Variants in TBC1D1 observed in about 807,000 individuals in gnomAD.
The protein encoded by TBC1D1 is TBC1 domain family member 1, also known as TBC1 (tre-2/USP6, BUB2, cdc16) domain family, member 1.
A neutral mutation model predicts 125.6 loss-of-function variants in TBC1D1; 89 were observed. The ratio of observed to expected loss-of-function variants is 0.71; its 90% confidence interval spans 0.60 to 0.85. The LOEUF is 0.85. Among genes scored for constraint, TBC1D1 ranks in the 40% least tolerant of loss-of-function variants. The pLI is 0.00. For missense variants in TBC1D1, 1,377 were observed against 1,469.2 expected, an observed-to-expected ratio of 0.94 and a Z score of 1.03; for synonymous variants, 565 against 564.1, an observed-to-expected ratio of 1.00 and a Z score of -0.02.
chr4:38,033,541 C>T (rs1007786376), intron 7 of TBC1D1, among the ~76,000 whole-genome samples: 1 of 152,088 alleles, frequency 6.6e-6, no homozygotes, highest in Non-Finnish European at 1.5e-5. Context: ...AATTGATGAG[C>T]CAATATTTGT....
intron 2 of TBC1D1, among the ~76,000 whole-genome samples, chr4:37,903,930 T>G (rs1716732252): frequency 6.6e-6 from 1 of 152,196 alleles, no homozygotes; most frequent in African/African-American, 2.4e-5. Context: ...ACTCACAGAA[T>G]CAAACTCTCA....
At chr4:37,899,733 G>A (rs1206656161) in intron 1 of TBC1D1, among the ~76,000 whole-genome samples, 1 of 152,198 alleles carries the variant, frequency 6.6e-6, no homozygotes, top group Non-Finnish European at 1.5e-5. Flanking sequence ...GTGAAATGAG[G>A]GGAGAGGATG....
intron 2 of TBC1D1, among the ~76,000 whole-genome samples, chr4:37,942,352 C>T (rs1560508225): frequency 1.3e-5 from 2 of 151,732 alleles, no homozygotes; most frequent in African/African-American, 4.8e-5. Context: ...CAACCCCTGC[C>T]TTTTTTTTGT....
At chr4:37,899,815 G>A (rs887690515) in intron 1 of TBC1D1, among the ~76,000 whole-genome samples, 1 of 152,228 alleles carries the variant, frequency 6.6e-6, no homozygotes, top group Non-Finnish European at 1.5e-5. Context: ...ATAAGAACCA[G>A]AAGAGATTCA....
chr4:37,903,876 C>T (rs1716715244), intron 2 of TBC1D1, among the ~76,000 whole-genome samples: 1 of 152,132 alleles, frequency 6.6e-6, no homozygotes, highest in Non-Finnish European at 1.5e-5. Context: ...GTAGAGAAGG[C>T]TTTGTGAAAT....
At chr4:37,917,510 C>G (rs1227516738) in intron 2 of TBC1D1, among the ~76,000 whole-genome samples, 1 of 152,106 alleles carries the variant, frequency 6.6e-6, no homozygotes, top group Non-Finnish European at 1.5e-5. Context: ...TGTGTAAACA[C>G]TATTTGTGAA....
At chr4:38,074,969 C>T (rs1467669178) in intron 12 of TBC1D1, among the ~76,000 whole-genome samples, 1 of 152,094 alleles carries the variant, frequency 6.6e-6, no homozygotes, top group East Asian at 1.9e-4. Context: ...CCATGTTGTC[C>T]AGACTAGTCT....
chr4:37,957,492 G>A lies in TBC1D1; in HGVS notation c.417+54980G>A, dbSNP rs553469504. Among the ~76,000 whole-genome samples, 6 of 152,284 alleles carry A rather than the reference G, an allele frequency of 3.9e-5. No individual in the cohort carries two copies. In the East Asian group the frequency reaches 9.6e-4, roughly 24 times the overall value. ...AGATTACCTGGGCATGGGGGTGCGTGCCTGTAGTCCTAGGTACTCAGGAGG... is the reference window on the plus strand; with the variant it reads ...AGATTACCTGGGCATGGGGGTGCGTACCTGTAGTCCTAGGTACTCAGGAGG... On this transcript the variant is annotated intron_variant, in intron 2 of 19. Coordinates refer to ENST00000261439, the MANE Select transcript of TBC1D1 (RefSeq NM_015173.4).
intron 2 of TBC1D1, among the ~76,000 whole-genome samples, chr4:37,911,138 T>C (rs1560467109): frequency 6.8e-6 from 1 of 146,888 alleles, no homozygotes; most frequent in African/African-American, 2.5e-5. Flanking sequence ...CTCCTTTTTT[T>C]TTTTTTTTTT....
chr4:37,933,912 C>T (rs567485944), intron 2 of TBC1D1, among the ~76,000 whole-genome samples: 1 of 152,260 alleles, frequency 6.6e-6, no homozygotes, highest in South Asian at 2.1e-4. Context: ...AGTCTCATTC[C>T]TAATCGATTG....
At chr4:37,944,929 C>T (rs556120250) in intron 2 of TBC1D1, among the ~76,000 whole-genome samples, 6 of 152,302 alleles carry the variant, frequency 3.9e-5, no homozygotes, top group South Asian at 4.1e-4. Context: ...GTGTCGTTCA[C>T]GCCGGGAGCT....
chr4:37,999,140 T>C (rs1738470176), intron 2 of TBC1D1, among the ~76,000 whole-genome samples: 1 of 152,028 alleles, frequency 6.6e-6, no homozygotes, highest in South Asian at 2.1e-4. Context: ...TCCCAGCTAC[T>C]CTGGAGGCTG....
At chr4:38,028,740 G>T (rs929804266) in intron 7 of TBC1D1, among the ~76,000 whole-genome samples, 1 of 152,164 alleles carries the variant, frequency 6.6e-6, no homozygotes, top group Non-Finnish European at 1.5e-5. Flanking sequence ...CCTCTGGTCC[G>T]CATGTACTCA....
chr4:38,077,995 T>G (rs1578579903), intron 12 of TBC1D1, among the ~76,000 whole-genome samples: 1 of 152,152 alleles, frequency 6.6e-6, no homozygotes, highest in East Asian at 1.9e-4. Flanking sequence ...GACCAGACGC[T>G]AGAGTCCACT....
At chr4:38,093,101 T>C (rs73241091) in intron 13 of TBC1D1, among the ~76,000 whole-genome samples, 26,728 of 152,152 alleles carry the variant, frequency 0.18, 2,656 homozygotes, top group East Asian at 0.45. Flanking sequence ...GAGGACCTGC[T>C]GTACTATGTA....
At chr4:38,015,207 T>C (rs1394176535) in intron 3 of TBC1D1, among the ~76,000 whole-genome samples, 6 of 152,164 alleles carry the variant, frequency 3.9e-5, no homozygotes, top group Non-Finnish European at 7.4e-5. Context: ...CCGGTAATTA[T>C]AAAGACACCT....
intron 6 of TBC1D1, among the ~76,000 whole-genome samples, chr4:38,026,282 C>T (rs1745070693): frequency 6.6e-6 from 1 of 152,230 alleles, no homozygotes; most frequent in Non-Finnish European, 1.5e-5. Context: ...GGAGCAGCCA[C>T]CTCTGCCACA....
At chr4:37,921,132 A>G (rs1720893887) in intron 2 of TBC1D1, among the ~76,000 whole-genome samples, 1 of 148,192 alleles carries the variant, frequency 6.7e-6, no homozygotes, top group African/African-American at 2.5e-5. Flanking sequence ...AAAAAAAAAA[A>G]AAGAATGGAG....
At chr4:37,978,372 G>A (rs1163841488) in intron 2 of TBC1D1, among the ~76,000 whole-genome samples, 1 of 152,242 alleles carries the variant, frequency 6.6e-6, no homozygotes, top group African/African-American at 2.4e-5. Flanking sequence ...CCCTTGGCCG[G>A]CGCCTTCCCA....
Sources: gnomAD v4.1 joint callset for allele counts (sites outside exome capture counted in the v4.1 genomes callset) on GRCh38, gnomAD v4.1.1 for gene constraint, MANE v1.5 for transcripts, NCBI Gene and HGNC (gene_info 2026-07-23, HGNC 2026-07-21) for gene names.